The following MROH2A variants were observed in gnomAD, a reference collection of about 807,000 sequenced individuals.
MROH2A encodes maestro heat-like repeat-containing protein family member 2A.
MROH2A carries 174 observed loss-of-function variants against 200.4 expected under a neutral mutation model. The ratio of observed to expected loss-of-function variants is 0.87; its 90% confidence interval spans 0.77 to 0.98. The LOEUF is 0.98. MROH2A is among the 50% of genes least tolerant of loss of function. The probability of loss-of-function intolerance (pLI) is 0.00; values close to 1 mark genes in which losing one functional copy is unlikely to be tolerated. For synonymous variants in MROH2A, 829 were observed against 840.4 expected (o/e 0.99, Z 0.23); for missense variants, 2,045 against 2,139.6 (o/e 0.96, Z 0.87).
chr2:233,813,573 C>A, intron 24 of MROH2A, 97 bp from the exon 25 acceptor site: 1 of 721,886 alleles, frequency 1.4e-6, no homozygotes, highest in Non-Finnish European at 2.4e-6. Flanking sequence ...GCCTCTTCCT[C>A]TTCTAGGATG....
chr2:233,818,604 T>A (rs719419), intron 28 of MROH2A, 48 bp from the exon 29 acceptor site: 8 of 1,209,540 alleles, frequency 6.6e-6, no homozygotes, highest in South Asian at 5.2e-5. Context: ...GGGGGGTGGC[T>A]GGGCCTTTTG....
chr2:233,800,361 C>A, intron 14 of MROH2A, 46 bp downstream of exon 14: 1 of 1,181,758 alleles, frequency 8.5e-7, no homozygotes, highest in Non-Finnish European at 1.2e-6. Flanking sequence ...CCACGCCAGG[C>A]TGGGGGTGAA....
chr2:233,828,962 ACTG>A lies in MROH2A; in HGVS notation c.4338_4340del (p.Ala1447del). The A allele has an allele frequency of 1.3e-6, 2 of 1,550,548 alleles. No individual in the cohort carries two copies. Among genetic ancestry groups the A allele is most frequent in the East Asian group, 4.9e-5 (2 of 40,898 alleles). ...GAGGGAGCCCGTGAGCAACAGCGTGACTGCCGAGGGCATGGAGGCCCTGACCAA... is the reference window on the plus strand; with the variant it reads ...GAGGGAGCCCGTGAGCAACAGCGTGACCGAGGGCATGGAGGCCCTGACCAA... On this transcript the variant is annotated inframe_deletion, in exon 37 of 42. Coordinates refer to ENST00000389758, the MANE Select transcript of MROH2A (RefSeq NM_001394639.1). This position sits in a 1 kb window ranked among gnomAD's most constrained non-coding sequence, Gnocchi z 4.6.
intron 6 of MROH2A, 37 bp downstream of exon 6, chr2:233,792,931 T>C (rs1322161978): frequency 1.9e-6 from 3 of 1,547,572 alleles, no homozygotes; most frequent in Admixed American, 2.0e-5. Context: ...TCTGGCTCGA[T>C]CAGGGCGCCG....
intron 5 of MROH2A, among the ~76,000 whole-genome samples, chr2:233,792,506 GT>G (rs1701842770): frequency 6.6e-6 from 1 of 151,934 alleles, no homozygotes; most frequent in Non-Finnish European, 1.5e-5. Flanking sequence ...TAGAGACGGG[GT>G]TTCAACCGTG....
rs769228836 is a variant in MROH2A, at chr2:233,819,979, C to T, written c.3435C>T (p.Asp1145=). 3.9e-5 allele frequency: 60 copies of T among 1,546,636 alleles called. No individual in the cohort carries two copies. Among genetic ancestry groups the T allele is most frequent in the East Asian group, 9.8e-5 (4 of 40,780 alleles). The change falls in exon 31 of 42, where the codon GAC becomes GAT. Residue 1145 remains aspartate (D), a synonymous_variant. Coordinates refer to ENST00000389758, the MANE Select transcript of MROH2A (RefSeq NM_001394639.1). ...DHPEVRRLLI[D]GILLLAHHHQ... ...CAGAGGTGCGGCGCCTTCTCATTGA[C>T]GGCATCCTGCTGCTGGCGCACCACC...
intron 31 of MROH2A, among the ~76,000 whole-genome samples, chr2:233,821,317 G>A (rs1425378919): frequency 3.9e-5 from 6 of 152,186 alleles, no homozygotes; most frequent in South Asian, 4.2e-4. Context: ...GTTTCCTTGC[G>A]CCCCATGGCT....
At chr2:233,782,813 C>A (rs775000065) in intron 3 of MROH2A, among the ~76,000 whole-genome samples, 1 of 152,094 alleles carries the variant, frequency 6.6e-6, no homozygotes, top group African/African-American at 2.4e-5. Flanking sequence ...ACAAGGCTTT[C>A]GATTTCTTCC....
intron 3 of MROH2A, among the ~76,000 whole-genome samples, chr2:233,782,086 A>G (rs890452468): frequency 6.6e-6 from 1 of 152,036 alleles, no homozygotes; most frequent in African/African-American, 2.4e-5. Flanking sequence ...GTCTATGTGC[A>G]TGTTTTTATG....
At position 233,798,634 on chromosome 2, in the gene MROH2A, G is replaced by A. The variant is rs558767929; in HGVS notation, c.1253-140G>A. ...GGAGGGAGATGGCCAGGGAGAGCAT[G>A]GCCAGGGAGGCTCCTAAGAAAGTGC... On this transcript the variant is annotated intron_variant, in intron 11 of 41. Transcript: ENST00000389758. 1.7e-5 allele frequency: 11 copies of A among 655,484 alleles called. No homozygotes were observed. In the South Asian group the frequency reaches 1.9e-4, roughly 12 times the overall value. 40.6% of individuals were successfully genotyped at this position (655,484 alleles called of 1,614,324 possible). A position where few individuals can be genotyped will look rare whatever the true frequency, so the allele number is the denominator to read the frequency against.
In MROH2A at chr2:233,819,927, T is replaced by G; in HGVS notation, c.3383T>G (p.Leu1128Arg). The change falls in exon 31 of 42, where the codon CTG becomes CGG. Residue 1128 changes from leucine (L) to arginine (R), a missense_variant. Coordinates refer to ENST00000389758, the MANE Select transcript of MROH2A (RefSeq NM_001394639.1). ...DKVAEILSAI[L>R]VHLPVVDHPE... ...GTGGCCGAGATCCTGAGTGCCATCC[T>G]GGTGCACCTGCCGGTGGTGGACCAC... 2 of 1,528,750 alleles carry G rather than the reference T, an allele frequency of 1.3e-6. No individual in the cohort carries two copies. The highest frequency in any genetic ancestry group is 1.8e-6 in the Non-Finnish European group (2 of 1,132,252). The allele number at this position is 1,528,750 out of a possible 1,614,324, so 94.7% of individuals were successfully genotyped here.
chr2:233,781,624 G>C (rs905740308), intron 3 of MROH2A, among the ~76,000 whole-genome samples: 1 of 152,064 alleles, frequency 6.6e-6, no homozygotes, highest in African/African-American at 2.4e-5. Context: ...GTGTATTCTG[G>C]TTATTAATCC....
At position 233,820,725 on chromosome 2, in the gene MROH2A, G is replaced by A. The variant is rs1703879384; in HGVS notation, c.3512+669G>A. Among the ~76,000 whole-genome samples the A allele has an allele frequency of 6.6e-6, 1 of 152,214 alleles. No individual in the cohort carries two copies. The highest frequency in any genetic ancestry group is 2.1e-4 in the South Asian group (1 of 4,834). On this transcript the variant is annotated intron_variant, in intron 31 of 41. Coordinates refer to ENST00000389758, the MANE Select transcript of MROH2A (RefSeq NM_001394639.1). The surrounding 1 kb of genome is among the most constrained non-coding windows in gnomAD (Gnocchi z 4.1). The stretch of plus-strand genomic sequence containing the variant: ...AGTCATCCCCAGAGCAGTGGAGCCT[G>A]TGCTGGTGCAGGGACGTGAGGAGAT...
intron 12 of MROH2A, 139 bp from the exon 13 acceptor site, chr2:233,799,641 C>A: frequency 9.3e-7 from 1 of 1,073,170 alleles, no homozygotes; most frequent in Non-Finnish European, 1.3e-6. Flanking sequence ...GGGAGGTGGA[C>A]AGAGTGGGCA....
At chr2:233,796,732 C>T (rs563482337) in intron 11 of MROH2A, among the ~76,000 whole-genome samples, 1 of 152,346 alleles carries the variant, frequency 6.6e-6, no homozygotes, top group Admixed American at 6.5e-5. Flanking sequence ...CTAACCAAGG[C>T]ACTAGCTCAC....
chr2:233,789,514 G>T lies in MROH2A; in HGVS notation c.294G>T (p.Lys98Asn). 6.9e-7 allele frequency: 1 copy of T among 1,448,278 alleles called. No individual in the cohort carries two copies. Among genetic ancestry groups the T allele is most frequent in the South Asian group, 1.5e-5 (1 of 64,914 alleles). 89.7% of individuals were successfully genotyped at this position (1,448,278 alleles called of 1,614,324 possible). The change falls in exon 4 of 42, where the codon AAG becomes AAT. Residue 98 changes from lysine (K) to asparagine (N), a missense_variant. Physicochemically the swap from Lys to Asn is moderately conservative, Grantham distance 94. This residue lies in a region of MROH2A where 831 missense variants were observed against 800.0 expected (regional missense o/e 1.04). Transcript: ENST00000389758. ...LQVPEISTQR[K>N]VNIYNILQDI... The stretch of plus-strand genomic sequence containing the variant: ...TTTCCCAGATTTCCACCCAGCGCAA[G>T]GTCAACATTTACAACATCCTCCAGG...
At chr2:233,808,707 T>C (rs941166156) in intron 21 of MROH2A, among the ~76,000 whole-genome samples, 1 of 152,186 alleles carries the variant, frequency 6.6e-6, no homozygotes, top group Non-Finnish European at 1.5e-5. Context: ...GTGAGCACCG[T>C]GAGGGCAAAG....
Position 233,802,160 on chromosome 2 carries a change from T to C in MROH2A, c.1561-8T>C, listed in dbSNP as rs761646060. On this transcript the variant is annotated splice_region_variant and splice_polypyrimidine_tract_variant and intron_variant, in intron 14 of 41. Transcript: ENST00000389758. ...TCTGAGCCCCTTTCTCTCCCACCCC[T>C]ACCCCAGGAGTTTTGGGTGAGGCTG... The C allele has an allele frequency of 6.5e-7, 1 of 1,547,458 alleles. No individual in the cohort carries two copies. The highest frequency in any genetic ancestry group is 8.7e-7 in the Non-Finnish European group (1 of 1,144,852).
chr2:233,778,993 T>C lies in MROH2A; in HGVS notation c.-14-352T>C, dbSNP rs561345296. ...TGGAGAATTCAGTTTCTTATGGTTG[T>C]AGGACTGAGGCCCTCAGTTCCTTGC... On this transcript the variant is annotated intron_variant, in intron 1 of 41. Coordinates refer to ENST00000389758, the MANE Select transcript of MROH2A (RefSeq NM_001394639.1). 2.6e-5 allele frequency among the ~76,000 whole-genome samples: 4 copies of C among 152,298 alleles called. No homozygotes were observed. The South Asian group carries it at 8.3e-4, about 32-fold the overall frequency.
Sources: allele counts gnomAD v4.1 joint callset (sites outside exome capture counted in the v4.1 genomes callset), GRCh38; gene constraint gnomAD v4.1.1; regional missense constraint gnomAD v4.1.1; non-coding constraint Gnocchi (gnomAD v3.1); transcripts MANE v1.5; gene names NCBI Gene and HGNC (gene_info 2026-07-23, HGNC 2026-07-21).